Variants in AACS observed in about 807,000 individuals in gnomAD.
AACS encodes the protein acetoacetyl-CoA synthetase.
A neutral mutation model predicts 83.1 loss-of-function variants in AACS; 69 were observed. The observed-to-expected ratio is 0.83, with a 90% CI of 0.68 to 1.01. The LOEUF is 1.01. AACS is among the 50% of genes least tolerant of loss of function. AACS has a pLI of 0.00. For missense variants in AACS, 866 were observed against 882.2 expected (o/e 0.98, Z 0.23); for synonymous variants, 333 against 343.4 (o/e 0.97, Z 0.33).
Position 125,113,470 on chromosome 12 carries a change from G to T in AACS, c.916-1007G>T, listed in dbSNP as rs1003608591. 3.3e-5 allele frequency among the ~76,000 whole-genome samples: 5 copies of T among 152,236 alleles called. No individual in the cohort carries two copies. Among genetic ancestry groups the T allele is most frequent in the African/African-American group, 9.6e-5 (4 of 41,462 alleles). On this transcript the variant is annotated intron_variant, in intron 8 of 17. Coordinates refer to ENST00000316519, the MANE Select transcript of AACS (RefSeq NM_023928.5). The surrounding 1 kb of genome is among the most constrained non-coding windows in gnomAD (Gnocchi z 4.8). ...AGGCTGGGAGCGTGGAGTGACGGGT[G>T]CAGGGGCCACTGGCTCTGCTCTCTG...
In AACS at chr12:125,100,946, G is replaced by A. The variant is rs541968681; in HGVS notation, c.571-1733G>A. The stretch of plus-strand genomic sequence containing the variant: ...TTAACTTAATAGTCCCACTGCAGGC[G>A]GTGCTACCAGGCAGCCAGGGTGGAG... On this transcript the variant is annotated intron_variant, in intron 5 of 17. Coordinates refer to ENST00000316519, the MANE Select transcript of AACS (RefSeq NM_023928.5). 2.0e-5 allele frequency: 3 copies of A among 152,328 alleles called. No individual in the cohort carries two copies. The East Asian group carries it at 5.8e-4, about 29-fold the overall frequency. 9.4% of individuals were successfully genotyped at this position (152,328 alleles called of 1,614,324 possible). A position where few individuals can be genotyped will look rare whatever the true frequency, so the allele number is the denominator to read the frequency against.
intron 1 of AACS, among the ~76,000 whole-genome samples, chr12:125,068,130 C>T (rs997722342): frequency 2.6e-5 from 4 of 152,130 alleles, no homozygotes; most frequent in Non-Finnish European, 5.9e-5. Flanking sequence ...GGTCTCATCT[C>T]CAGACACACT....
chr12:125,137,513 C>T (rs1441485426), intron 17 of AACS, among the ~76,000 whole-genome samples: 3 of 152,194 alleles, frequency 2.0e-5, no homozygotes, highest in African/African-American at 4.8e-5. Flanking sequence ...TGCTGGGAGC[C>T]GTTGCTGTTG....
intron 7 of AACS, among the ~76,000 whole-genome samples, chr12:125,103,681 A>G (rs1485200573): frequency 6.6e-6 from 1 of 152,202 alleles, no homozygotes; most frequent in East Asian, 1.9e-4. Context: ...TGTGTACCCA[A>G]TAGGATTGTA....
intron 5 of AACS, chr12:125,102,383 G>A: frequency 3.2e-6 from 1 of 312,708 alleles, no homozygotes; most frequent in South Asian, 3.2e-5. Context: ...CGGGTGCTGG[G>A]GACACAGGGA....
intron 10 of AACS, chr12:125,122,030 C>A (rs558291914): frequency 6.6e-6 from 1 of 152,238 alleles, no homozygotes; most frequent in Middle Eastern, 3.2e-3. Context: ...AGGGAGTCCT[C>A]GAGAGTCCTC....
chr12:125,089,442 C>T (rs1592958934), intron 4 of AACS, among the ~76,000 whole-genome samples: 1 of 152,124 alleles, frequency 6.6e-6, no homozygotes, highest in African/African-American at 2.4e-5. Flanking sequence ...CTGCCTTCTG[C>T]CCTACTGTAC....
At chr12:125,114,770 G>A (rs1437510145) in intron 9 of AACS, among the ~76,000 whole-genome samples, 9 of 148,576 alleles carry the variant, frequency 6.1e-5, no homozygotes, top group Middle Eastern at 3.7e-3. Context: ...GCGCCGGCCC[G>A]TGGCACATGT....
At chr12:125,136,640 G>A in intron 16 of AACS, 22 bp from the exon 17 acceptor site, 2 of 1,609,488 alleles carry the variant, frequency 1.2e-6, no homozygotes, top group Non-Finnish European at 8.5e-7. Context: ...GCGTGAATGT[G>A]CACCCTCTCC....
intron 17 of AACS, chr12:125,141,715 A>AG (rs1565960093): frequency 7.2e-6 from 1 of 138,052 alleles, no homozygotes; most frequent in South Asian, 1.7e-4. Context: ...AAAAAAGAAA[A>AG]AAAAAGAAAA....
At chr12:125,066,799 C>T (rs1344829068) in intron 1 of AACS, among the ~76,000 whole-genome samples, 2 of 152,120 alleles carry the variant, frequency 1.3e-5, no homozygotes, top group East Asian at 1.9e-4. Context: ...CCTCCGCTGG[C>T]GCAGGGACTC....
chr12:125,111,567 G>A (rs1371139400), intron 8 of AACS, among the ~76,000 whole-genome samples: 1 of 152,176 alleles, frequency 6.6e-6, no homozygotes, highest in Non-Finnish European at 1.5e-5. Flanking sequence ...TAAGCATCTT[G>A]CTCGTTCTCT....
chr12:125,135,056 G>T (rs777213537), intron 16 of AACS, among the ~76,000 whole-genome samples: 2 of 151,768 alleles, frequency 1.3e-5, no homozygotes, highest in African/African-American at 2.4e-5. Flanking sequence ...GGTCTTTAAG[G>T]TCCCTTTGCC....
At position 125,129,573 on chromosome 12, in the gene AACS, G is replaced by T; in HGVS notation, c.1549+113G>T. On this transcript the variant is annotated intron_variant, in intron 14 of 17. Coordinates refer to ENST00000316519, the MANE Select transcript of AACS (RefSeq NM_023928.5). This position sits in a 1 kb window ranked among gnomAD's most constrained non-coding sequence, Gnocchi z 4.3. ...CTCTTCCTTCCCCCACCAGGGCTTG[G>T]AGAAGCTGCTTATAGTTCATTCCGC... 1.5e-6 allele frequency: 2 copies of T among 1,377,946 alleles called. No individual in the cohort carries two copies. Among genetic ancestry groups the T allele is most frequent in the South Asian group, 2.8e-5 (2 of 70,832 alleles). 85.4% of individuals were successfully genotyped at this position (1,377,946 alleles called of 1,614,324 possible).
intron 3 of AACS, among the ~76,000 whole-genome samples, chr12:125,082,431 C>G (rs185581746): frequency 1.3e-5 from 2 of 151,806 alleles, no homozygotes; most frequent in Admixed American, 6.6e-5. Context: ...CCATCTCAGC[C>G]TCCCAAAGTG....
At position 125,136,885 on chromosome 12, in the gene AACS, C is replaced by T. The variant is rs377533056; in HGVS notation, c.1881+21C>T. On this transcript the variant is annotated intron_variant, in intron 17 of 17. Coordinates refer to ENST00000316519, the MANE Select transcript of AACS (RefSeq NM_023928.5). ...TCCCGGTATGGCCATCTCCCGCCAG[C>T]GAGGAGACCGCAGCCATCGCCCCAC... is the stretch of plus-strand genomic sequence containing the variant. 2.6e-4 allele frequency: 416 copies of T among 1,608,932 alleles called. 1 individual carries two copies. The highest frequency in any genetic ancestry group is 3.2e-4 in the Non-Finnish European group (375 of 1,178,584).
intron 4 of AACS, among the ~76,000 whole-genome samples, chr12:125,089,371 CA>C (rs1401114115): frequency 1.3e-5 from 2 of 152,160 alleles, no homozygotes; most frequent in East Asian, 3.9e-4. Flanking sequence ...CCCCTGGGGG[CA>C]CACCTGGGTA....
In AACS at chr12:125,129,940, C is replaced by T. The variant is rs1158997655; in HGVS notation, c.1549+480C>T. On this transcript the variant is annotated intron_variant, in intron 14 of 17. Coordinates refer to ENST00000316519, the MANE Select transcript of AACS (RefSeq NM_023928.5). The surrounding 1 kb of genome is among the most constrained non-coding windows in gnomAD (Gnocchi z 4.3). ...CGGTGGAAGCATTTACAACCCGACA[C>T]GTCACTCTCACATAGACTGACACCC... Among the ~76,000 whole-genome samples, 1 of 151,876 alleles carries T rather than the reference C, an allele frequency of 6.6e-6. No homozygotes were observed. The highest frequency in any genetic ancestry group is 1.5e-5 in the Non-Finnish European group (1 of 67,956).
chr12:125,101,181 C>T (rs917040858), intron 5 of AACS: 8 of 152,184 alleles, frequency 5.3e-5, no homozygotes, highest in Non-Finnish European at 2.9e-5. Flanking sequence ...GAATAGAAGC[C>T]TTGTCTGAGA....
Sources: allele counts gnomAD v4.1 joint callset (sites outside exome capture counted in the v4.1 genomes callset), GRCh38; gene constraint gnomAD v4.1.1; non-coding constraint Gnocchi (gnomAD v3.1); transcripts MANE v1.5; gene names NCBI Gene and HGNC (gene_info 2026-07-23, HGNC 2026-07-21).